The following TMEM41B variants were observed in gnomAD, a reference collection of about 807,000 sequenced individuals.
The protein encoded by TMEM41B is protein stasimon.
TMEM41B carries 18 observed loss-of-function variants against 31.9 expected under a neutral mutation model. The observed-to-expected ratio is 0.56, with a 90% CI of 0.39 to 0.84. The LOEUF is 0.84. TMEM41B is among the 40% of genes least tolerant of loss of function. The pLI, the probability that TMEM41B is intolerant of heterozygous loss-of-function variation, is 0.00. For missense variants in TMEM41B, 322 were observed against 348.0 expected, an observed-to-expected ratio of 0.93 and a Z score of 0.59; for synonymous variants, 144 against 124.3, an observed-to-expected ratio of 1.16 and a Z score of -1.05.
intron 2 of TMEM41B, among the ~76,000 whole-genome samples, chr11:9,298,938 G>C (rs986507064): frequency 6.6e-6 from 1 of 151,920 alleles, no homozygotes; most frequent in East Asian, 1.9e-4. Flanking sequence ...GATTATACCA[G>C]GGTGGTATTA....
chr11:9,309,851 A>G (rs7131004), intron 1 of TMEM41B, among the ~76,000 whole-genome samples: 145,926 of 149,212 alleles, frequency 0.98, 71,435 homozygotes, highest in East Asian at 1. Context: ...GAACCCGGGA[A>G]GGGGAGGTTG....
chr11:9,282,607 T>C lies in TMEM41B; in HGVS notation c.*817A>G, dbSNP rs1477954313. ...TTCCATATTCAGTCGTCTACTAACA[T>C]GCCATCTCCAAACAAATCCATTACC... is the stretch of plus-strand genomic sequence containing the variant. On this transcript the variant is annotated 3_prime_UTR_variant, in exon 7 of 7. Coordinates refer to ENST00000528080, the MANE Select transcript of TMEM41B (RefSeq NM_015012.4). 1 of 152,098 alleles carries C rather than the reference T, an allele frequency of 6.6e-6. No homozygotes were observed. Among genetic ancestry groups the C allele is most frequent in the African/African-American group, 2.4e-5 (1 of 41,420 alleles). The allele number at this position is 152,098 out of a possible 1,614,324, so 9.4% of individuals were successfully genotyped here. A position where few individuals can be genotyped will look rare whatever the true frequency, so the allele number is the denominator to read the frequency against.
chr11:9,297,377 G>A (rs963957645), intron 2 of TMEM41B, among the ~76,000 whole-genome samples: 14 of 152,160 alleles, frequency 9.2e-5, no homozygotes, highest in Admixed American at 3.9e-4. Context: ...GAGCCACCGC[G>A]CCAGGCCGCT....
At chr11:9,311,294 G>C (rs1853554905) in intron 1 of TMEM41B, 1 of 1,519,186 alleles carries the variant, frequency 6.6e-7, no homozygotes, top group South Asian at 1.1e-5. Flanking sequence ...CAGAATCACT[G>C]CTGGAAGAGG....
chr11:9,288,010 C>G (rs1248824083), intron 4 of TMEM41B: 4 of 551,030 alleles, frequency 7.3e-6, no homozygotes, highest in Non-Finnish European at 1.3e-5. Context: ...CAAACTGGCA[C>G]TTGTGATTAC....
At chr11:9,311,322 T>C (rs1315553438) in intron 1 of TMEM41B, 2 of 1,519,818 alleles carry the variant, frequency 1.3e-6, no homozygotes, top group Non-Finnish European at 9.0e-7. Context: ...ATGCTTGCTA[T>C]GCTTGTGCAT....
At chr11:9,312,387 C>G (rs1217458822) in intron 1 of TMEM41B, among the ~76,000 whole-genome samples, 1 of 152,156 alleles carries the variant, frequency 6.6e-6, no homozygotes, top group Non-Finnish European at 1.5e-5. Context: ...CTGTAGTCAG[C>G]TATTTGAGGG....
rs1852884784 is a variant in TMEM41B at position 9,288,443 on chromosome 11, A to G, written c.461T>C (p.Leu154Ser). ...CCAATTTTATTTTTTCATACTTACC[A>G]AACAAACAAGAAATAAGGCTAGTGG... ...PFPLALFLVCLCSGLGASFCY... is the reference protein window; with the variant it reads ...PFPLALFLVCSCSGLGASFCY... The change falls in exon 4 of 7, where the codon TTG becomes TCG. Residue 154 changes from leucine (L) to serine (S), a missense_variant and splice_region_variant. Around this residue, in one of 3 missense-constraint regions of TMEM41B, gnomAD observed 47 missense variants for 84.8 expected, o/e 0.55. Transcript: ENST00000528080. 2 of 1,572,880 alleles carry G rather than the reference A, an allele frequency of 1.3e-6. No individual in the cohort carries two copies. The highest frequency in any genetic ancestry group is 2.8e-5 in the African/African-American group (2 of 72,440).
chr11:9,281,082 C>A lies in TMEM41B; in HGVS notation c.*2342G>T, dbSNP rs1852709603. 6.6e-6 allele frequency: 1 copy of A among 151,978 alleles called. No homozygotes were observed. The highest frequency in any genetic ancestry group is 2.4e-5 in the African/African-American group (1 of 41,380). The allele number at this position is 151,978 out of a possible 1,614,324, so 9.4% of individuals were successfully genotyped here. On this transcript the variant is annotated 3_prime_UTR_variant, in exon 7 of 7. Transcript: ENST00000528080. ...AAAAAAATTAGCAAAGGGAAAGAAT[C>A]AATGGTAAGGACAGTAAATATACTC... is the stretch of plus-strand genomic sequence containing the variant.
intron 1 of TMEM41B, among the ~76,000 whole-genome samples, chr11:9,307,979 G>A (rs1312169670): frequency 1.3e-5 from 2 of 151,512 alleles, no homozygotes; most frequent in Middle Eastern, 3.4e-3. Context: ...CTCGTGATCC[G>A]CCCACCTCGG....
At chr11:9,285,683 A>G (rs1311535171) in intron 6 of TMEM41B, among the ~76,000 whole-genome samples, 2 of 152,304 alleles carry the variant, frequency 1.3e-5, no homozygotes, top group African/African-American at 2.4e-5. Context: ...CATACTTTTG[A>G]TAACATCCGC....
At position 9,295,355 on chromosome 11, in the gene TMEM41B, T is replaced by C; in HGVS notation, c.272A>G (p.Asp91Gly). ...TCCTAGAGCCTTGGCATCATCCATA[T>C]CTCTGGGAACCTTCATATTCACTCT... ...EERVNMKVPRDMDDAKALGKV... is the reference protein window; with the variant it reads ...EERVNMKVPRGMDDAKALGKV... Residue 91 changes from aspartate to glycine, a missense_variant, in exon 3 of 7, where the codon GAT (aspartate) becomes GGT (glycine). Transcript: ENST00000528080. 1.9e-6 allele frequency: 3 copies of C among 1,595,078 alleles called. No homozygotes were observed. The highest frequency in any genetic ancestry group is 1.7e-6 in the Non-Finnish European group (2 of 1,171,558).
intron 1 of TMEM41B, among the ~76,000 whole-genome samples, chr11:9,306,709 C>A (rs1853407756): frequency 6.6e-6 from 1 of 152,110 alleles, no homozygotes; most frequent in South Asian, 2.1e-4. Context: ...AAGCCAGAAT[C>A]ACGCTCTTGG....
intron 1 of TMEM41B, among the ~76,000 whole-genome samples, chr11:9,304,497 G>C (rs1401268363): frequency 6.6e-6 from 1 of 151,990 alleles, no homozygotes; most frequent in East Asian, 1.9e-4. Flanking sequence ...TTATGAGACG[G>C]TGTCTCACTC....
intron 4 of TMEM41B, 39 bp from the exon 5 acceptor site, chr11:9,287,845 C>A (rs368875098): frequency 2.0e-6 from 3 of 1,469,610 alleles, no homozygotes; most frequent in Admixed American, 1.9e-5. Flanking sequence ...TTGTATTTTT[C>A]CGTCTTACTC....
In TMEM41B at chr11:9,301,658, C is replaced by T. The variant is rs571393727; in HGVS notation, c.122-1957G>A. On this transcript the variant is annotated intron_variant, in intron 1 of 6. Transcript: ENST00000528080. ...ATTCTAACATTCTACCCTCCCAAAC[C>T]CAGAAAACTGTCTGGCCCAGGGTTG... 7.2e-5 allele frequency among the ~76,000 whole-genome samples: 11 copies of T among 152,260 alleles called. No homozygotes were observed. The South Asian group carries it at 2.3e-3, about 32-fold the overall frequency.
Position 9,292,206 on chromosome 11 carries a change from C to A in TMEM41B, c.368+3053G>T, listed in dbSNP as rs1852975803. Among the ~76,000 whole-genome samples the A allele has an allele frequency of 2.0e-5, 3 of 152,028 alleles. No individual in the cohort carries two copies. In the South Asian group the frequency reaches 6.2e-4, roughly 32 times the overall value. ...GAAACCAGATCATTTGTAGAATTTACCATTTATTGAATTTTGCCTATTGGA... is the reference window on the plus strand; with the variant it reads ...GAAACCAGATCATTTGTAGAATTTAACATTTATTGAATTTTGCCTATTGGA... On this transcript the variant is annotated intron_variant, in intron 3 of 6. Transcript: ENST00000528080.
At chr11:9,305,036 C>T (rs1853350394) in intron 1 of TMEM41B, among the ~76,000 whole-genome samples, 1 of 152,186 alleles carries the variant, frequency 6.6e-6, no homozygotes. Flanking sequence ...AAGCAGTCCT[C>T]CTGCCTCAGC....
Position 9,286,610 on chromosome 11 carries a change from A to G in TMEM41B, c.568-17T>C. The G allele has an allele frequency of 6.3e-7, 1 of 1,583,850 alleles. No homozygotes were observed. ...ACGTTCAACCTGTCATAAGAAAGAA[A>G]AGAATTAGCATCAGATGAGGACAAC... On this transcript the variant is annotated splice_polypyrimidine_tract_variant and intron_variant, in intron 5 of 6. Coordinates refer to ENST00000528080, the MANE Select transcript of TMEM41B (RefSeq NM_015012.4).
Sources: gnomAD v4.1 joint callset for allele counts (sites outside exome capture counted in the v4.1 genomes callset) on GRCh38, gnomAD v4.1.1 for gene constraint, gnomAD v4.1.1 regional missense constraint, MANE v1.5 for transcripts, NCBI Gene and HGNC (gene_info 2026-07-23, HGNC 2026-07-21) for gene names.